GALNTL6: variants seen among roughly 807,000 people sequenced by gnomAD.
GALNTL6 encodes the protein polypeptide N-acetylgalactosaminyltransferase-like 6.
A neutral mutation model predicts 73.7 loss-of-function variants in GALNTL6; 46 were observed. That is an observed-to-expected ratio of 0.62 (90% confidence interval 0.49 to 0.80). The LOEUF is 0.80. Among genes scored for constraint, GALNTL6 ranks in the 30% least tolerant of loss-of-function variants. GALNTL6 has a pLI of 0.00. For synonymous variants in GALNTL6, 259 were observed against 263.7 expected (o/e 0.98, Z 0.17); for missense variants, 604 against 755.0 (o/e 0.80, Z 2.34).
intron 2 of GALNTL6, among the ~76,000 whole-genome samples, chr4:171,851,420 C>A (rs1735519842): frequency 1.3e-5 from 2 of 152,096 alleles, no homozygotes; most frequent in Non-Finnish European, 2.9e-5. Context: ...TGTAGAAGAA[C>A]CCTCATCAGT....
chr4:172,949,084 A>G (rs1749313167), intron 9 of GALNTL6, among the ~76,000 whole-genome samples: 1 of 152,224 alleles, frequency 6.6e-6, no homozygotes, highest in Admixed American at 6.5e-5. Flanking sequence ...TAGCAACAGC[A>G]CTTGTTTTCA....
In GALNTL6 at chr4:172,809,306, T is replaced by A; in HGVS notation, c.554-55T>A. 2.9e-6 allele frequency: 4 copies of A among 1,401,474 alleles called. No homozygotes were observed. The highest frequency in any genetic ancestry group is 4.0e-6 in the Non-Finnish European group (4 of 995,746). 86.8% of individuals were successfully genotyped at this position (1,401,474 alleles called of 1,614,324 possible). A position where few individuals can be genotyped will look rare whatever the true frequency, so the allele number is the denominator to read the frequency against. ...CTATGCACAAACAACCGTGAATAAT[T>A]CAGCTGCAACTAATGTTTTGCGTTT... On this transcript the variant is annotated intron_variant, in intron 5 of 12. Transcript: ENST00000506823. The surrounding 1 kb of genome is among the most constrained non-coding windows in gnomAD (Gnocchi z 4.4).
chr4:172,313,534 A>G (rs1272527963), intron 4 of GALNTL6, among the ~76,000 whole-genome samples: 1 of 152,220 alleles, frequency 6.6e-6, no homozygotes, highest in African/African-American at 2.4e-5. Context: ...AGTTATTCCC[A>G]TTCTTCTCAA....
intron 5 of GALNTL6, among the ~76,000 whole-genome samples, chr4:172,632,187 C>T (rs1221198495): frequency 6.6e-6 from 1 of 152,138 alleles, no homozygotes; most frequent in Non-Finnish European, 1.5e-5. Context: ...CAGACTAATA[C>T]AGTGAATTGT....
At chr4:172,339,254 A>AC (rs1561033937) in intron 4 of GALNTL6, among the ~76,000 whole-genome samples, 5 of 134,818 alleles carry the variant, frequency 3.7e-5, no homozygotes, top group Non-Finnish European at 7.8e-5. Context: ...ACACACACAC[A>AC]CACCACACAC....
intron 2 of GALNTL6, among the ~76,000 whole-genome samples, chr4:172,083,691 C>A (rs1731947630): frequency 6.6e-6 from 1 of 152,114 alleles, no homozygotes; most frequent in South Asian, 2.1e-4. Flanking sequence ...CCCTTTTCTC[C>A]TTTTTCATCC....
At chr4:171,940,335 A>T (rs539366829) in intron 2 of GALNTL6, among the ~76,000 whole-genome samples, 171 of 147,578 alleles carry the variant, frequency 1.2e-3, no homozygotes, top group African/African-American at 4.2e-3. Flanking sequence ...TTGTATTCTT[A>T]TTTGGGGATG....
intron 3 of GALNTL6, among the ~76,000 whole-genome samples, chr4:172,248,678 C>T (rs185148623): frequency 3.9e-5 from 6 of 152,110 alleles, no homozygotes; most frequent in Middle Eastern, 3.4e-3. Context: ...GAGAGGGATC[C>T]GGTGGGAGGT....
intron 5 of GALNTL6, among the ~76,000 whole-genome samples, chr4:172,726,257 G>A (rs1735795734): frequency 6.6e-6 from 1 of 152,210 alleles, no homozygotes. Flanking sequence ...TAGAAGGTAA[G>A]GATCAAAGGC....
At chr4:172,863,938 G>A (rs1274823974) in intron 7 of GALNTL6, among the ~76,000 whole-genome samples, 1 of 152,074 alleles carries the variant, frequency 6.6e-6, no homozygotes, top group East Asian at 1.9e-4. Flanking sequence ...CATGGTAGTG[G>A]GCCTTTCCCA....
chr4:172,141,433 G>C (rs1733794788), intron 2 of GALNTL6, among the ~76,000 whole-genome samples: 1 of 151,970 alleles, frequency 6.6e-6, no homozygotes, highest in Non-Finnish European at 1.5e-5. Flanking sequence ...GATGGTACGA[G>C]TACAAATTCA....
intron 4 of GALNTL6, among the ~76,000 whole-genome samples, chr4:172,340,514 GT>G (rs1398756180): frequency 1.3e-5 from 2 of 152,134 alleles, no homozygotes; most frequent in Non-Finnish European, 2.9e-5. Flanking sequence ...CATAAAATGA[GT>G]TTTGAAGTGT....
intron 2 of GALNTL6, among the ~76,000 whole-genome samples, chr4:172,205,319 T>C (rs1736073795): frequency 6.6e-6 from 1 of 152,162 alleles, no homozygotes; most frequent in Non-Finnish European, 1.5e-5. Context: ...TATAGAAAAG[T>C]CTCCAAATGA....
At chr4:172,101,490 T>C (rs541636565) in intron 2 of GALNTL6, among the ~76,000 whole-genome samples, 8 of 152,296 alleles carry the variant, frequency 5.3e-5, no homozygotes, top group African/African-American at 1.9e-4. Context: ...GTGCAAAAAA[T>C]AAATGCTTAC....
chr4:173,039,989 G>A lies in GALNTL6; in HGVS notation c.1695G>A (p.Glu565=). 2 of 1,613,986 alleles carry A rather than the reference G, an allele frequency of 1.2e-6. No homozygotes were observed. The highest frequency in any genetic ancestry group is 1.1e-5 in the South Asian group (1 of 91,074). ...SNSCMDCNPA[E]KKIFMARCDP... ...GCTGCATGGATTGCAACCCCGCAGA[G>A]AAGAAGATTTTCATGGCCAGATGTG... Residue 565 remains glutamate, a synonymous_variant, in exon 13 of 13, where the codon GAG becomes GAA. Transcript: ENST00000506823.
At chr4:172,409,361 C>T (rs1056029713) in intron 5 of GALNTL6, among the ~76,000 whole-genome samples, 17 of 152,002 alleles carry the variant, frequency 1.1e-4, no homozygotes, top group Non-Finnish European at 2.4e-4. Context: ...GCTCATAGGA[C>T]TTAAAGTAAT....
intron 5 of GALNTL6, among the ~76,000 whole-genome samples, chr4:172,777,563 A>G (rs978223205): frequency 3.3e-5 from 5 of 152,238 alleles, no homozygotes; most frequent in African/African-American, 1.2e-4. Context: ...TGAAATGAGA[A>G]AACATACTTT....
intron 5 of GALNTL6, among the ~76,000 whole-genome samples, chr4:172,691,434 A>C (rs1156699627): frequency 3.3e-5 from 5 of 152,184 alleles, no homozygotes; most frequent in Non-Finnish European, 5.9e-5. Context: ...TGAAAGCAGC[A>C]AGATCCATGT....
chr4:172,332,636 TA>T (rs1258061135), intron 4 of GALNTL6, among the ~76,000 whole-genome samples: 5 of 152,210 alleles, frequency 3.3e-5, no homozygotes, highest in African/African-American at 9.6e-5. Flanking sequence ...GACATGATTT[TA>T]TTTTTTTCTG....
Sources: allele counts gnomAD v4.1 joint callset (sites outside exome capture counted in the v4.1 genomes callset), GRCh38; gene constraint gnomAD v4.1.1; non-coding constraint Gnocchi (gnomAD v3.1); transcripts MANE v1.5; gene names NCBI Gene and HGNC (gene_info 2026-07-23, HGNC 2026-07-21).